Variants in ATP11A observed in about 807,000 individuals in gnomAD.
ATP11A encodes phospholipid-transporting ATPase IH.
ATP11A carries 81 observed loss-of-function variants against 154.4 expected under a neutral mutation model. That is an observed-to-expected ratio of 0.52 (90% CI 0.44 to 0.63). The LOEUF is 0.63. Ranked by LOEUF, ATP11A falls within the 30% of genes least tolerant of loss-of-function variation. The probability of loss-of-function intolerance (pLI) is 0.00; values close to 1 mark genes in which losing one functional copy is unlikely to be tolerated. For synonymous variants in ATP11A, 623 were observed against 585.9 expected, an observed-to-expected ratio of 1.06 and a Z score of -0.91; for missense variants, 1,316 against 1,474.3, an observed-to-expected ratio of 0.89 and a Z score of 1.76.
chr13:112,750,636 G>A (rs1214700753), intron 1 of ATP11A, among the ~76,000 whole-genome samples: 9 of 151,958 alleles, frequency 5.9e-5, no homozygotes, highest in Admixed American at 2.0e-4. Context: ...TGAAGGACGC[G>A]GGGTTGAATC....
rs114537728 is a variant in ATP11A at position 112,751,172 on chromosome 13, G to A, written c.40-33963G>A. 7.3e-3 allele frequency among the ~76,000 whole-genome samples: 1,117 copies of A among 152,258 alleles called. 9 individuals are homozygous for A. The highest frequency in any genetic ancestry group is 0.025 in the African/African-American group (1,044 of 41,528). ...TGAACACCGGTGTAAGCGCGTCTTC[G>A]TGTCCTTCCATGGATGTTTGTAGAG... On this transcript the variant is annotated intron_variant, in intron 1 of 29. Coordinates refer to ENST00000375645, the MANE Select transcript of ATP11A (RefSeq NM_015205.3).
chr13:112,720,461 C>T (rs1255769993), intron 1 of ATP11A, among the ~76,000 whole-genome samples: 1 of 152,240 alleles, frequency 6.6e-6, no homozygotes, highest in African/African-American at 2.4e-5. Context: ...CCTTCGTCTG[C>T]TGTGGCCGCG....
chr13:112,831,963 T>G (rs138179155), intron 13 of ATP11A, among the ~76,000 whole-genome samples: 1 of 39,312 alleles, frequency 2.5e-5, no homozygotes, highest in Non-Finnish European at 4.4e-5. Context: ...ACACACACAC[T>G]CACACATGCC....
At chr13:112,880,047 G>A (rs558170055) in intron 29 of ATP11A, among the ~76,000 whole-genome samples, 6 of 152,282 alleles carry the variant, frequency 3.9e-5, no homozygotes, top group Admixed American at 6.5e-5. Flanking sequence ...TTCCAAGCCC[G>A]CAGTTCTTCA....
At chr13:112,756,723 G>A (rs1456472475) in intron 1 of ATP11A, among the ~76,000 whole-genome samples, 1 of 152,160 alleles carries the variant, frequency 6.6e-6, no homozygotes, top group African/African-American at 2.4e-5. Flanking sequence ...TCTGGGGCAC[G>A]GCCCTCTGCA....
chr13:112,759,634 A>G (rs192346625), intron 1 of ATP11A, among the ~76,000 whole-genome samples: 8 of 152,200 alleles, frequency 5.3e-5, no homozygotes, highest in Non-Finnish European at 8.8e-5. Context: ...GGAGATTGGT[A>G]CTCTTTATCA....
At chr13:112,755,545 T>G (rs1167812943) in intron 1 of ATP11A, among the ~76,000 whole-genome samples, 1 of 152,226 alleles carries the variant, frequency 6.6e-6, no homozygotes, top group Non-Finnish European at 1.5e-5. Context: ...GCAGCCAAGG[T>G]TAGCCAGAAC....
intron 29 of ATP11A, among the ~76,000 whole-genome samples, chr13:112,879,378 T>C (rs1328733969): frequency 1.3e-5 from 2 of 152,230 alleles, no homozygotes; most frequent in African/African-American, 4.8e-5. Context: ...TTAGATTAAA[T>C]TGCAGAATTT....
At chr13:112,786,918 G>A (rs569057079) in intron 2 of ATP11A, among the ~76,000 whole-genome samples, 14 of 149,048 alleles carry the variant, frequency 9.4e-5, no homozygotes, top group South Asian at 4.2e-4. Flanking sequence ...AATTCACACC[G>A]GTGTCCTGAC....
At chr13:112,843,369 C>T (rs2079483165) in intron 17 of ATP11A, among the ~76,000 whole-genome samples, 1 of 152,196 alleles carries the variant, frequency 6.6e-6, no homozygotes, top group Non-Finnish European at 1.5e-5. Context: ...CCCCACGTGG[C>T]TGCTTTGTCC....
intron 1 of ATP11A, among the ~76,000 whole-genome samples, chr13:112,755,564 G>C (rs547456406): frequency 6.6e-6 from 1 of 152,220 alleles, no homozygotes; most frequent in Non-Finnish European, 1.5e-5. Flanking sequence ...ACCATTTCCA[G>C]TCACGGAACC....
intron 6 of ATP11A, 41 bp downstream of exon 6, chr13:112,816,252 T>C (rs2078643424): frequency 6.2e-7 from 1 of 1,613,654 alleles, no homozygotes. Flanking sequence ...AGGATCTTCC[T>C]GTCCTGCTTC....
chr13:112,810,099 G>A (rs571245378), intron 4 of ATP11A, among the ~76,000 whole-genome samples: 10 of 152,334 alleles, frequency 6.6e-5, no homozygotes, highest in African/African-American at 2.2e-4. Flanking sequence ...GCGTTTCACC[G>A]AGAGTCTGGG....
chr13:112,872,630 T>C (rs1469568595), intron 26 of ATP11A, among the ~76,000 whole-genome samples: 6 of 152,226 alleles, frequency 3.9e-5, no homozygotes, highest in Non-Finnish European at 8.8e-5. Context: ...AAGAAGTAAC[T>C]TTCTTCAGTA....
intron 29 of ATP11A, 107 bp downstream of exon 29, chr13:112,878,410 A>G: frequency 8.2e-7 from 1 of 1,219,336 alleles, no homozygotes; most frequent in Non-Finnish European, 1.2e-6. Flanking sequence ...AGCGTCCACC[A>G]GGCGCTGGGT....
chr13:112,863,389 C>T (rs376592120), intron 25 of ATP11A, among the ~76,000 whole-genome samples: 6 of 148,348 alleles, frequency 4.0e-5, no homozygotes, highest in African/African-American at 1.5e-4. Context: ...AGCTTCCCAG[C>T]GGGGTCCATC....
chr13:112,838,356 T>TG lies in ATP11A; in HGVS notation c.1705+2106dup, dbSNP rs1459658274. Among the ~76,000 whole-genome samples the TG allele has an allele frequency of 6.6e-6, 1 of 152,192 alleles. No individual in the cohort carries two copies. Among genetic ancestry groups the TG allele is most frequent in the Non-Finnish European group, 1.5e-5 (1 of 68,020 alleles). Reference sequence around the variant, plus strand: ...CTGTTGAGCCATGGCTGGAACATGCTGCCCGTGACCTGCGGGGCTGACTCA... The same window carrying TG: ...CTGTTGAGCCATGGCTGGAACATGCTGGCCCGTGACCTGCGGGGCTGACTCA... On this transcript the variant is annotated intron_variant, in intron 16 of 29. Coordinates refer to ENST00000375645, the MANE Select transcript of ATP11A (RefSeq NM_015205.3). The surrounding 1 kb of genome is among the most constrained non-coding windows in gnomAD (Gnocchi z 7.3).
intron 1 of ATP11A, among the ~76,000 whole-genome samples, chr13:112,762,835 G>A (rs1468407532): frequency 6.6e-6 from 1 of 152,226 alleles, no homozygotes; most frequent in Non-Finnish European, 1.5e-5. Context: ...GTGGCGTGGA[G>A]GCCGGGGCAC....
At chr13:112,736,589 C>T (rs1338999923) in intron 1 of ATP11A, among the ~76,000 whole-genome samples, 1 of 152,108 alleles carries the variant, frequency 6.6e-6, no homozygotes, top group Non-Finnish European at 1.5e-5. Context: ...CTTTCTCCTC[C>T]CAGTTAAATT....
Sources: gnomAD v4.1 joint callset for allele counts (sites outside exome capture counted in the v4.1 genomes callset) on GRCh38, gnomAD v4.1.1 for gene constraint, Gnocchi (gnomAD v3.1) non-coding constraint, MANE v1.5 for transcripts, NCBI Gene and HGNC (gene_info 2026-07-23, HGNC 2026-07-21) for gene names.